The following EVC2 variants were observed in gnomAD, a reference collection of about 807,000 sequenced individuals.
EVC2 encodes limbin.
EVC2 carries 148 observed loss-of-function variants against 149.3 expected under a neutral mutation model. The ratio of observed to expected loss-of-function variants is 0.99; its 90% confidence interval spans 0.87 to 1.14. The LOEUF (loss-of-function observed/expected upper bound fraction) is 1.14. EVC2 is among the 50% of genes most tolerant of loss of function. The probability of loss-of-function intolerance (pLI) is 0.00; values close to 1 mark genes in which losing one functional copy is unlikely to be tolerated. For synonymous variants in EVC2, 776 were observed against 649.9 expected (o/e 1.19, Z -2.95); for missense variants, 1,854 against 1,627.3 (o/e 1.14, Z -2.40).
rs145309633 is a variant in EVC2, at chr4:5,658,994, G to C, written c.1145+4113C>G. ...CCACCTCCATTATAACCACAGTCAA[G>C]GAGCCTGATAAAAATCAAAGGAAAT... On this transcript the variant is annotated intron_variant, in intron 9 of 21. Coordinates refer to ENST00000344408, the MANE Select transcript of EVC2 (RefSeq NM_147127.5). 9.1e-3 allele frequency among the ~76,000 whole-genome samples: 1,381 copies of C among 152,248 alleles called. 24 individuals carry two copies. Among genetic ancestry groups the C allele is most frequent in the African/African-American group, 0.031 (1,297 of 41,540 alleles).
At chr4:5,700,895 T>C (rs773959018) in intron 1 of EVC2, among the ~76,000 whole-genome samples, 9 of 152,230 alleles carry the variant, frequency 5.9e-5, no homozygotes, top group Non-Finnish European at 1.3e-4. Flanking sequence ...CACCATTCGA[T>C]ATGTGCTTAT....
intron 19 of EVC2, among the ~76,000 whole-genome samples, chr4:5,572,184 C>T (rs549386786): frequency 3.9e-5 from 6 of 152,244 alleles, no homozygotes; most frequent in African/African-American, 1.4e-4. Flanking sequence ...TACAAAGCAC[C>T]AAGTTGGGGA....
intron 16 of EVC2, among the ~76,000 whole-genome samples, chr4:5,586,551 C>G (rs1199133237): frequency 6.6e-6 from 1 of 152,254 alleles, no homozygotes; most frequent in Non-Finnish European, 1.5e-5. Context: ...TCAGATAGAA[C>G]AGACTCTTTA....
intron 16 of EVC2, among the ~76,000 whole-genome samples, chr4:5,597,121 G>C (rs1018277119): frequency 6.6e-6 from 1 of 152,114 alleles, no homozygotes; most frequent in Non-Finnish European, 1.5e-5. Flanking sequence ...ATTCACAGCC[G>C]AATTCTACCA....
intron 14 of EVC2, among the ~76,000 whole-genome samples, chr4:5,621,893 T>C (rs1484527394): frequency 6.6e-6 from 1 of 152,170 alleles, no homozygotes; most frequent in Non-Finnish European, 1.5e-5. Context: ...TTCTAGTTAC[T>C]GCAGCAGGAG....
intron 7 of EVC2, among the ~76,000 whole-genome samples, chr4:5,665,866 C>G (rs1282280026): frequency 6.6e-6 from 1 of 152,226 alleles, no homozygotes; most frequent in African/African-American, 2.4e-5. Context: ...TGTCAAAGAC[C>G]TGAGGCATGG....
chr4:5,629,884 C>T (rs1460462184), intron 11 of EVC2, among the ~76,000 whole-genome samples: 2 of 152,236 alleles, frequency 1.3e-5, no homozygotes, highest in Admixed American at 6.5e-5. Context: ...CTTAAATACT[C>T]TCATAGCTCT....
At chr4:5,571,038 G>A (rs983689279) in intron 19 of EVC2, among the ~76,000 whole-genome samples, 36 of 152,100 alleles carry the variant, frequency 2.4e-4, no homozygotes, top group African/African-American at 8.2e-4. Flanking sequence ...ACATTGGGCC[G>A]GGCGTCGTGG....
intron 21 of EVC2, among the ~76,000 whole-genome samples, chr4:5,564,077 G>C (rs1396743073): frequency 2.0e-5 from 3 of 152,086 alleles, no homozygotes; most frequent in African/African-American, 7.2e-5. Context: ...CACTGGGGAT[G>C]CACCTGCTGC....
Position 5,666,297 on chromosome 4 carries a change from T to C in EVC2, c.871-648A>G, listed in dbSNP as rs190888440. Among the ~76,000 whole-genome samples the C allele has an allele frequency of 1.1e-3, 164 of 152,104 alleles. 1 individual carries two copies. The highest frequency in any genetic ancestry group is 2.0e-3 in the Non-Finnish European group (133 of 67,998). On this transcript the variant is annotated intron_variant, in intron 7 of 21. Transcript: ENST00000344408. ...ATAGGTTAATCCCAGCAACTACAAA[T>C]TTTAAAAGACAATATTATTATGATT...
Position 5,567,752 on chromosome 4 carries a change from G to A in EVC2, c.3557+692C>T, listed in dbSNP as rs11734193. ...GGGCCCAAACTGAATGTCAAGTGACGGGATGACAGTTACATGCTCTATGCT... is the reference window on the plus strand; with the variant it reads ...GGGCCCAAACTGAATGTCAAGTGACAGGATGACAGTTACATGCTCTATGCT... On this transcript the variant is annotated intron_variant, in intron 20 of 21. Coordinates refer to ENST00000344408, the MANE Select transcript of EVC2 (RefSeq NM_147127.5). The surrounding 1 kb of genome is among the most constrained non-coding windows in gnomAD (Gnocchi z 4.4). 0.51 allele frequency among the ~76,000 whole-genome samples: 77,981 copies of A among 151,962 alleles called. 21,890 individuals carry two copies. The highest frequency in any genetic ancestry group is 0.64 in the Non-Finnish European group (43,629 of 67,954).
intron 16 of EVC2, among the ~76,000 whole-genome samples, chr4:5,610,299 A>G (rs1714714280): frequency 6.6e-6 from 1 of 152,216 alleles, no homozygotes; most frequent in Admixed American, 6.5e-5. Flanking sequence ...ATATATACAT[A>G]CAGTGTCTAC....
intron 14 of EVC2, among the ~76,000 whole-genome samples, chr4:5,620,663 G>A (rs1715623511): frequency 6.6e-6 from 1 of 152,170 alleles, no homozygotes; most frequent in Non-Finnish European, 1.5e-5. Context: ...CGTACACTGT[G>A]AGTCGATCCT....
chr4:5,545,546 G>C (rs1369327355), intron 21 of EVC2, among the ~76,000 whole-genome samples: 1 of 152,184 alleles, frequency 6.6e-6, no homozygotes, highest in African/African-American at 2.4e-5. Flanking sequence ...CAGAAGACAG[G>C]AGCTTCCTCT....
intron 15 of EVC2, among the ~76,000 whole-genome samples, chr4:5,616,079 G>A (rs1242898303): frequency 1.3e-5 from 2 of 152,176 alleles, no homozygotes; most frequent in East Asian, 1.9e-4. Flanking sequence ...AGCCCATCAG[G>A]CACATCTCTG....
rs1478763382 is a variant in EVC2 at position 5,569,836 on chromosome 4, G to T, written c.3361-1196C>A. Among the ~76,000 whole-genome samples the T allele has an allele frequency of 6.6e-6, 1 of 152,072 alleles. No homozygotes were observed. The highest frequency in any genetic ancestry group is 1.5e-5 in the Non-Finnish European group (1 of 68,010). ...CAGTGAAGGCACGAGGAAAGGTGCT[G>T]TTCCAAATACCAAAGCTCCTTCCAC... On this transcript the variant is annotated intron_variant, in intron 19 of 21. Transcript: ENST00000344408. The surrounding 1 kb of genome is among the most constrained non-coding windows in gnomAD (Gnocchi z 4.8).
intron 13 of EVC2, among the ~76,000 whole-genome samples, chr4:5,624,321 A>G (rs1039361339): frequency 6.6e-6 from 1 of 152,228 alleles, no homozygotes; most frequent in Non-Finnish European, 1.5e-5. Context: ...TATTAGCACC[A>G]ACCATTATCA....
intron 20 of EVC2, 56 bp downstream of exon 20, chr4:5,568,388 G>A: frequency 6.6e-7 from 1 of 1,517,962 alleles, no homozygotes; most frequent in Non-Finnish European, 8.8e-7. Flanking sequence ...GAGGACTCAT[G>A]GGGACCCTTG....
chr4:5,699,642 C>CAAAAAAAAAAA (rs773633372), intron 1 of EVC2, among the ~76,000 whole-genome samples: 8 of 111,704 alleles, frequency 7.2e-5, no homozygotes, highest in African/African-American at 2.1e-4. Context: ...TCCATCTCTA[C>CAAAAAAAAAAA]AAAAAAAAAA....
Sources: allele counts gnomAD v4.1 joint callset (sites outside exome capture counted in the v4.1 genomes callset), GRCh38; gene constraint gnomAD v4.1.1; non-coding constraint Gnocchi (gnomAD v3.1); transcripts MANE v1.5; gene names NCBI Gene and HGNC (gene_info 2026-07-23, HGNC 2026-07-21).